Variants in KIF27 observed in about 807,000 individuals in gnomAD.
The protein encoded by KIF27 is kinesin family member 27, also known as kinesin-like protein KIF27.
A neutral mutation model predicts 141.8 loss-of-function variants in KIF27; 84 were observed. That is an observed-to-expected ratio of 0.59 (90% CI 0.50 to 0.71). KIF27 has a LOEUF of 0.71. KIF27 is among the 30% of genes least tolerant of loss of function. KIF27 has a pLI of 0.00. For synonymous variants in KIF27, 471 were observed against 569.5 expected (o/e 0.83, Z 2.46); for missense variants, 1,306 against 1,628.4 (o/e 0.80, Z 3.41).
chr9:83,862,580 T>C (rs900751158), intron 13 of KIF27, among the ~76,000 whole-genome samples: 1 of 152,178 alleles, frequency 6.6e-6, no homozygotes, highest in Non-Finnish European at 1.5e-5. Flanking sequence ...TACTGTAGCC[T>C]TGTAGTATAG....
Position 83,841,656 on chromosome 9 carries a change from A to G in KIF27, c.3721+581T>C, listed in dbSNP as rs190648790. On this transcript the variant is annotated intron_variant, in intron 17 of 17. Transcript: ENST00000297814. Reference sequence around the variant, plus strand: ...TCTATTCAGCTATCTTAAAGAGGGTATATTTTAATCATAGGAATATATTAC... The same window carrying G: ...TCTATTCAGCTATCTTAAAGAGGGTGTATTTTAATCATAGGAATATATTAC... Among the ~76,000 whole-genome samples the G allele has an allele frequency of 6.4e-3, 978 of 152,338 alleles. 5 individuals carry two copies. The highest frequency in any genetic ancestry group is 0.017 in the Middle Eastern group (5 of 294).
intron 3 of KIF27, among the ~76,000 whole-genome samples, chr9:83,908,132 C>T (rs1377205963): frequency 6.6e-6 from 1 of 151,756 alleles, no homozygotes; most frequent in Non-Finnish European, 1.5e-5. Flanking sequence ...CATGGTGGTG[C>T]ACACCTGTAA....
At chr9:83,849,916 T>C (rs1172963473) in intron 16 of KIF27, among the ~76,000 whole-genome samples, 183 bp downstream of exon 16, 2 of 152,198 alleles carry the variant, frequency 1.3e-5, no homozygotes, top group Non-Finnish European at 2.9e-5. Flanking sequence ...CAAGCACGAA[T>C]AGCCCTACAA....
intron 4 of KIF27, among the ~76,000 whole-genome samples, chr9:83,902,554 T>C (rs745568977): frequency 6.6e-6 from 1 of 152,232 alleles, no homozygotes; most frequent in Non-Finnish European, 1.5e-5. Context: ...TGCTAATTTG[T>C]TGGTTTTTTT....
intron 4 of KIF27, among the ~76,000 whole-genome samples, chr9:83,902,143 T>C (rs1216796969): frequency 2.6e-5 from 4 of 152,184 alleles, no homozygotes. Flanking sequence ...TTCTTTATAA[T>C]ATTACATGTA....
chr9:83,854,030 AAC>A (rs927437536), intron 14 of KIF27, among the ~76,000 whole-genome samples, 195 bp from the exon 15 acceptor site: 1 of 152,156 alleles, frequency 6.6e-6, no homozygotes. Context: ...CACACACATA[AAC>A]ACACACACAC....
At chr9:83,844,161 T>A (rs1204664123) in intron 16 of KIF27, among the ~76,000 whole-genome samples, 1 of 152,152 alleles carries the variant, frequency 6.6e-6, no homozygotes, top group Admixed American at 6.6e-5. Context: ...CCATGCTGGA[T>A]GCTTCCTGTC....
In KIF27 at chr9:83,836,337, T is replaced by C. The variant is rs576554886; in HGVS notation, c.*664A>G. Among the ~76,000 whole-genome samples the C allele has an allele frequency of 6.6e-6, 1 of 152,250 alleles. No individual in the cohort carries two copies. Among genetic ancestry groups the C allele is most frequent in the East Asian group, 1.9e-4 (1 of 5,190 alleles). On this transcript the variant is annotated 3_prime_UTR_variant, in exon 18 of 18. Coordinates refer to ENST00000297814, the MANE Select transcript of KIF27 (RefSeq NM_017576.4). Reference sequence around the variant, plus strand: ...AACATAATGAGAGATATATTGAGTGTATAGAGCAGGAAAGACATGAAAACT... The same window carrying C: ...AACATAATGAGAGATATATTGAGTGCATAGAGCAGGAAAGACATGAAAACT...
chr9:83,849,487 T>C (rs1239512797), intron 16 of KIF27: 1 of 152,392 alleles, frequency 6.6e-6, no homozygotes. Flanking sequence ...TTTGCTGCCA[T>C]AGTAGCTGTT....
chr9:83,912,730 C>G (rs1955292672), intron 2 of KIF27, among the ~76,000 whole-genome samples: 1 of 152,126 alleles, frequency 6.6e-6, no homozygotes, highest in African/African-American at 2.4e-5. Context: ...TTTTATACCT[C>G]AACAACTCTC....
intron 11 of KIF27, among the ~76,000 whole-genome samples, chr9:83,877,122 T>A (rs1951263949): frequency 1.3e-5 from 2 of 152,176 alleles, no homozygotes; most frequent in Non-Finnish European, 2.9e-5. Flanking sequence ...CATGATGTTT[T>A]GATATACATA....
chr9:83,851,865 C>T (rs1347717737), intron 15 of KIF27, among the ~76,000 whole-genome samples: 1 of 152,206 alleles, frequency 6.6e-6, no homozygotes, highest in African/African-American at 2.4e-5. Context: ...CACCGTGGCT[C>T]ACACCTGTAA....
At chr9:83,874,062 A>G (rs887116654) in intron 11 of KIF27, among the ~76,000 whole-genome samples, 1 of 150,498 alleles carries the variant, frequency 6.6e-6, no homozygotes, top group African/African-American at 2.5e-5. Flanking sequence ...AAAAAAAAAA[A>G]GGACACAGGA....
At chr9:83,879,682 C>CA (rs1159881050) in intron 11 of KIF27, among the ~76,000 whole-genome samples, 2 of 151,896 alleles carry the variant, frequency 1.3e-5, no homozygotes, top group Non-Finnish European at 2.9e-5. Context: ...TGAGAATAAA[C>CA]AGACTCAGAG....
At chr9:83,865,463 A>G (rs1423150164) in intron 13 of KIF27, among the ~76,000 whole-genome samples, 2 of 151,956 alleles carry the variant, frequency 1.3e-5, no homozygotes. Flanking sequence ...CGCCTGGCTA[A>G]TTTTTGTATT....
intron 16 of KIF27, chr9:83,848,554 A>G (rs1371191363): frequency 1.4e-5 from 2 of 146,022 alleles, no homozygotes; most frequent in Admixed American, 7.0e-5. Flanking sequence ...ACATATATCT[A>G]TATCTATATA....
chr9:83,898,438 C>T (rs1348596370), intron 5 of KIF27, among the ~76,000 whole-genome samples: 21 of 151,892 alleles, frequency 1.4e-4, no homozygotes, highest in Non-Finnish European at 2.4e-4. Context: ...GATAGTAAAA[C>T]CATAAGAAAA....
intron 2 of KIF27, among the ~76,000 whole-genome samples, chr9:83,914,488 TA>T (rs1380408790): frequency 1.3e-5 from 2 of 152,128 alleles, no homozygotes; most frequent in Admixed American, 6.5e-5. Context: ...TAAAATTTTT[TA>T]TTTTTTTATT....
At chr9:83,890,951 T>C (rs1312068780) in intron 6 of KIF27, among the ~76,000 whole-genome samples, 1 of 152,146 alleles carries the variant, frequency 6.6e-6, no homozygotes, top group Non-Finnish European at 1.5e-5. Flanking sequence ...CAAGTTGAAA[T>C]AAATATCCTC....
Sources: gnomAD v4.1 joint callset for allele counts (sites outside exome capture counted in the v4.1 genomes callset) on GRCh38, gnomAD v4.1.1 for gene constraint, MANE v1.5 for transcripts, NCBI Gene and HGNC (gene_info 2026-07-23, HGNC 2026-07-21) for gene names.